The following EPHB1 variants were observed in gnomAD, a reference collection of about 807,000 sequenced individuals.
EPHB1 encodes the protein ephrin type-B receptor 1.
Under a neutral mutation model 94.4 loss-of-function variants are expected in EPHB1, and 30 were observed. That is an observed-to-expected ratio of 0.32 (90% CI 0.24 to 0.43). EPHB1 has a LOEUF of 0.43. Ranked by LOEUF, EPHB1 falls within the 20% of genes least tolerant of loss-of-function variation. The pLI, the probability that EPHB1 is intolerant of heterozygous loss-of-function variation, is 1.00. For synonymous variants in EPHB1, 522 were observed against 489.1 expected (o/e 1.07, Z -0.89); for missense variants, 1,055 against 1,308.3 (o/e 0.81, Z 2.99).
At chr3:135,072,052 C>T (rs959467076) in intron 3 of EPHB1, among the ~76,000 whole-genome samples, 5 of 152,092 alleles carry the variant, frequency 3.3e-5, no homozygotes, top group African/African-American at 1.2e-4. Context: ...CAGACCACTC[C>T]ACACAGCAGG....
intron 3 of EPHB1, among the ~76,000 whole-genome samples, chr3:135,017,370 T>G (rs1368823452): frequency 6.6e-6 from 1 of 152,202 alleles, no homozygotes; most frequent in African/African-American, 2.4e-5. Context: ...TAATTAAATG[T>G]GTAGGAAACT....
chr3:134,862,100 A>G (rs185296997), intron 1 of EPHB1, among the ~76,000 whole-genome samples: 14 of 152,260 alleles, frequency 9.2e-5, no homozygotes, highest in African/African-American at 3.4e-4. Flanking sequence ...CTCAGCTCTC[A>G]GATCCCCAGA....
chr3:135,095,107 C>A (rs1245816250), intron 3 of EPHB1, among the ~76,000 whole-genome samples: 12 of 152,184 alleles, frequency 7.9e-5, no homozygotes, highest in Admixed American at 7.2e-4. Context: ...TACTGCCACT[C>A]CCAATATTCC....
At chr3:135,235,394 T>C (rs1943628218) in intron 12 of EPHB1, among the ~76,000 whole-genome samples, 1 of 152,164 alleles carries the variant, frequency 6.6e-6, no homozygotes, top group Non-Finnish European at 1.5e-5. Flanking sequence ...ACCCCAGAAC[T>C]AGTAAATTTT....
intron 3 of EPHB1, chr3:134,977,965 G>A (rs896061403): frequency 6.6e-6 from 3 of 455,756 alleles, no homozygotes; most frequent in African/African-American, 6.0e-5. Context: ...TCTTTCCACA[G>A]TGTCCAGGCC....
At chr3:135,237,316 A>C (rs1419352902) in intron 12 of EPHB1, among the ~76,000 whole-genome samples, 1 of 152,068 alleles carries the variant, frequency 6.6e-6, no homozygotes, top group African/African-American at 2.4e-5. Context: ...ACACACAGAC[A>C]GACACAAAAT....
At chr3:135,218,589 C>T (rs1943207363) in intron 12 of EPHB1, among the ~76,000 whole-genome samples, 1 of 152,220 alleles carries the variant, frequency 6.6e-6, no homozygotes, top group African/African-American at 2.4e-5. Context: ...AAGCCCTCTT[C>T]CTCAATATGC....
chr3:134,966,029 C>A lies in EPHB1; in HGVS notation c.805+13977C>A, dbSNP rs1342295468. ...GCCCTTCCTTTCAGGCCACAAAGAG[C>A]TCTGTAGACAGAAGCTGTGTGCTGT... On this transcript the variant is annotated intron_variant, in intron 3 of 15. Transcript: ENST00000398015. 2.6e-5 allele frequency among the ~76,000 whole-genome samples: 4 copies of A among 152,182 alleles called. No homozygotes were observed. In the East Asian group the frequency reaches 7.7e-4, roughly 29 times the overall value.
chr3:135,130,756 C>T (rs1372538060), intron 4 of EPHB1, among the ~76,000 whole-genome samples: 1 of 152,152 alleles, frequency 6.6e-6, no homozygotes, highest in African/African-American at 2.4e-5. Flanking sequence ...CTCAGGATGT[C>T]CCAAGGATGC....
At chr3:134,977,665 T>G (rs886515324) in intron 3 of EPHB1, among the ~76,000 whole-genome samples, 1 of 152,142 alleles carries the variant, frequency 6.6e-6, no homozygotes, top group Non-Finnish European at 1.5e-5. Flanking sequence ...AGGGTGCTCC[T>G]TTGTTTTCTG....
intron 3 of EPHB1, among the ~76,000 whole-genome samples, chr3:134,956,430 A>G (rs967941490): frequency 2.0e-5 from 3 of 152,092 alleles, no homozygotes; most frequent in Admixed American, 6.5e-5. Flanking sequence ...GCTATGCATA[A>G]TTCTCCCTGC....
At chr3:134,871,833 G>C (rs1390762568) in intron 1 of EPHB1, among the ~76,000 whole-genome samples, 1 of 152,284 alleles carries the variant, frequency 6.6e-6, no homozygotes, top group African/African-American at 2.4e-5. Context: ...TTATAACACT[G>C]TAAGTGGCAC....
chr3:134,952,098 G>T (rs1424929201), intron 3 of EPHB1, 46 bp downstream of exon 3: 3 of 1,533,996 alleles, frequency 2.0e-6, no homozygotes, highest in Admixed American at 2.0e-5. Context: ...GGCAGGGCCA[G>T]ATCTGCAAGG....
At chr3:135,044,953 A>G (rs938412523) in intron 3 of EPHB1, among the ~76,000 whole-genome samples, 14 of 152,182 alleles carry the variant, frequency 9.2e-5, no homozygotes, top group Non-Finnish European at 1.5e-5. Flanking sequence ...TCTCAGAATC[A>G]AGGCTGAGTA....
intron 3 of EPHB1, chr3:134,977,940 C>A (rs533850260): frequency 2.2e-6 from 1 of 455,758 alleles, no homozygotes; most frequent in Non-Finnish European, 4.4e-6. Flanking sequence ...TGCCTGATGC[C>A]ATCCATTCTG....
chr3:135,156,102 C>T (rs528330412), intron 6 of EPHB1, among the ~76,000 whole-genome samples: 5 of 151,880 alleles, frequency 3.3e-5, no homozygotes, highest in Admixed American at 6.6e-5. Flanking sequence ...ACGATGTAGC[C>T]GGCACTGACT....
At position 135,029,906 on chromosome 3, in the gene EPHB1, G is replaced by A. The variant is rs937033220; in HGVS notation, c.806-76542G>A. On this transcript the variant is annotated intron_variant, in intron 3 of 15. Coordinates refer to ENST00000398015, the MANE Select transcript of EPHB1 (RefSeq NM_004441.5). ...CTTTTCACATAGTCCCATATTTCTT[G>A]GAGGCTTTGCTCGTTTCTTTTTATT... Among the ~76,000 whole-genome samples the A allele has an allele frequency of 4.6e-3, 690 of 151,592 alleles. 3 individuals carry two copies. The highest frequency in any genetic ancestry group is 0.016 in the African/African-American group (661 of 41,256).
intron 9 of EPHB1, among the ~76,000 whole-genome samples, chr3:135,172,728 G>A (rs1941841483): frequency 6.6e-6 from 1 of 152,268 alleles, no homozygotes; most frequent in South Asian, 2.1e-4. Flanking sequence ...AGTAAACGAA[G>A]TCTTATTGGG....
intron 3 of EPHB1, among the ~76,000 whole-genome samples, chr3:134,981,146 C>T (rs1043793725): frequency 6.6e-6 from 1 of 152,078 alleles, no homozygotes; most frequent in African/African-American, 2.4e-5. Flanking sequence ...CAAAGGTAGC[C>T]CCAAATAACC....
Sources: allele counts gnomAD v4.1 joint callset (sites outside exome capture counted in the v4.1 genomes callset), GRCh38; gene constraint gnomAD v4.1.1; transcripts MANE v1.5; gene names NCBI Gene and HGNC (gene_info 2026-07-23, HGNC 2026-07-21).